The following DCDC1 variants were observed in gnomAD, a reference collection of about 807,000 sequenced individuals.
DCDC1 encodes doublecortin domain-containing protein 1.
DCDC1 carries 200 observed loss-of-function variants against 178.3 expected under a neutral mutation model. The ratio of observed to expected loss-of-function variants is 1.12; its 90% CI spans 1.00 to 1.26. DCDC1 has a LOEUF of 1.26. DCDC1 is among the 50% of genes most tolerant of loss of function. The pLI, the probability that DCDC1 is intolerant of heterozygous loss-of-function variation, is 0.00. For missense variants in DCDC1, 1,983 were observed against 1,749.2 expected (o/e 1.13, Z -2.38); for synonymous variants, 690 against 604.8 (o/e 1.14, Z -2.07).
intron 9 of DCDC1, among the ~76,000 whole-genome samples, chr11:31,232,136 A>T (rs1975847829): frequency 6.6e-6 from 1 of 152,236 alleles, no homozygotes; most frequent in Non-Finnish European, 1.5e-5. Context: ...TTACACATAC[A>T]GTGACAGGAT....
At chr11:30,920,692 G>A in intron 25 of DCDC1, 84 bp downstream of exon 25, 3 of 1,509,580 alleles carry the variant, frequency 2.0e-6, no homozygotes, top group Non-Finnish European at 2.7e-6. Flanking sequence ...TGAGCTCCCT[G>A]CATGGGCTCT....
At chr11:30,897,464 T>A (rs1217895718) in intron 34 of DCDC1, among the ~76,000 whole-genome samples, 3 of 150,566 alleles carry the variant, frequency 2.0e-5, no homozygotes, top group African/African-American at 7.3e-5. Flanking sequence ...GTGCCTGTAG[T>A]CCCAGCTACT....
At chr11:31,070,671 TCAC>T (rs1349246864) in intron 18 of DCDC1, among the ~76,000 whole-genome samples, 1 of 152,190 alleles carries the variant, frequency 6.6e-6, no homozygotes, top group Non-Finnish European at 1.5e-5. Context: ...GATCGGAATT[TCAC>T]ATTTACCAAA....
chr11:31,352,926 A>C (rs750728362), intron 1 of DCDC1, among the ~76,000 whole-genome samples: 2 of 152,236 alleles, frequency 1.3e-5, no homozygotes, highest in Non-Finnish European at 2.9e-5. Context: ...AGATGCAATT[A>C]GAATGACTAT....
Position 31,213,104 on chromosome 11 carries a change from T to TCTCTCTCTCC in DCDC1, c.1221+28345_1221+28346insGGAGAGAGAG, listed in dbSNP as rs2136558985. Among the ~76,000 whole-genome samples the TCTCTCTCTCC allele has an allele frequency of 1.2e-4, 2 of 16,238 alleles. 1 individual carries two copies. The highest frequency in any genetic ancestry group is 9.0e-3 in the East Asian group (2 of 222). 10.7% of individuals were successfully genotyped at this position (16,238 alleles called of 152,430 possible). ...CATCTTCTATATAAAGCCCAGCCTC[T>TCTCTCTCTCC]CTCTCTCTCTCTCTCTCTCTCTCTC... On this transcript the variant is annotated intron_variant, in intron 9 of 38. Transcript: ENST00000684477.
intron 21 of DCDC1, among the ~76,000 whole-genome samples, chr11:30,935,940 G>A (rs1947251787): frequency 6.6e-6 from 1 of 152,078 alleles, no homozygotes; most frequent in South Asian, 2.1e-4. Context: ...CCCTTCTGGG[G>A]TCTCTTTTAC....
At chr11:31,171,963 T>G (rs1345741307) in intron 9 of DCDC1, among the ~76,000 whole-genome samples, 1 of 152,184 alleles carries the variant, frequency 6.6e-6, no homozygotes, top group Non-Finnish European at 1.5e-5. Flanking sequence ...TCAAAGGAGT[T>G]ATTCTTCTGT....
At chr11:31,357,269 A>C (rs929708269) in intron 1 of DCDC1, among the ~76,000 whole-genome samples, 2 of 151,724 alleles carry the variant, frequency 1.3e-5, no homozygotes, top group African/African-American at 4.8e-5. Flanking sequence ...CCTGGGATGC[A>C]AGGCTGGTTC....
At chr11:30,959,355 C>T (rs1326320938) in intron 20 of DCDC1, among the ~76,000 whole-genome samples, 1 of 152,062 alleles carries the variant, frequency 6.6e-6, no homozygotes, top group African/African-American at 2.4e-5. Flanking sequence ...GGTTTACGTG[C>T]CTCTCCAAAT....
intron 20 of DCDC1, among the ~76,000 whole-genome samples, chr11:31,004,976 C>A (rs1951761818): frequency 6.6e-6 from 1 of 152,116 alleles, no homozygotes; most frequent in Non-Finnish European, 1.5e-5. Context: ...ATGTTCAGTT[C>A]TTCCTGAACC....
intron 17 of DCDC1, among the ~76,000 whole-genome samples, chr11:31,078,808 G>A (rs1957008424): frequency 6.6e-6 from 1 of 151,770 alleles, no homozygotes; most frequent in Non-Finnish European, 1.5e-5. Context: ...TTCTGAAGGT[G>A]TGGACCCACC....
At chr11:31,202,971 C>T (rs997986470) in intron 9 of DCDC1, among the ~76,000 whole-genome samples, 1 of 152,116 alleles carries the variant, frequency 6.6e-6, no homozygotes, top group Non-Finnish European at 1.5e-5. Context: ...GAAATTCCAA[C>T]GTGCATTAAA....
chr11:30,957,755 G>C (rs1948852271), intron 20 of DCDC1, among the ~76,000 whole-genome samples: 3 of 152,308 alleles, frequency 2.0e-5, no homozygotes, highest in South Asian at 4.1e-4. Context: ...CCCATCATGA[G>C]CTGGGTGTGG....
chr11:30,865,480 T>A (rs574329568), intron 38 of DCDC1, 148 bp from the exon 39 acceptor site: 1 of 153,436 alleles, frequency 6.5e-6, no homozygotes, highest in East Asian at 1.9e-4. Context: ...TGCATTAAAC[T>A]TGATAGGGTT....
chr11:31,105,979 T>C (rs1261574938), intron 13 of DCDC1, among the ~76,000 whole-genome samples: 1 of 152,152 alleles, frequency 6.6e-6, no homozygotes, highest in Non-Finnish European at 1.5e-5. Context: ...AATAGAGAAG[T>C]GTGTTTAAGT....
intron 15 of DCDC1, among the ~76,000 whole-genome samples, chr11:31,098,054 G>T (rs952544734): frequency 2.0e-5 from 3 of 152,202 alleles, no homozygotes; most frequent in African/African-American, 7.2e-5. Flanking sequence ...CTAATGTCCT[G>T]CTGATGTCTG....
intron 1 of DCDC1, among the ~76,000 whole-genome samples, chr11:31,366,903 A>G (rs1951990256): frequency 6.6e-6 from 1 of 152,228 alleles, no homozygotes; most frequent in Admixed American, 6.5e-5. Flanking sequence ...GGGGTCTGGC[A>G]TATCACTGTC....
At chr11:30,876,816 T>C (rs1298995837) in intron 38 of DCDC1, among the ~76,000 whole-genome samples, 1 of 152,080 alleles carries the variant, frequency 6.6e-6, no homozygotes, top group East Asian at 1.9e-4. Context: ...AAATTGTCTA[T>C]AGAAGGATTG....
intron 21 of DCDC1, among the ~76,000 whole-genome samples, chr11:30,937,343 T>A (rs1229633617): frequency 6.6e-6 from 1 of 152,074 alleles, no homozygotes; most frequent in Non-Finnish European, 1.5e-5. Flanking sequence ...AGGTCCCACC[T>A]TCAAATTTAT....
Sources: gnomAD v4.1 joint callset for allele counts (sites outside exome capture counted in the v4.1 genomes callset) on GRCh38, gnomAD v4.1.1 for gene constraint, MANE v1.5 for transcripts, NCBI Gene and HGNC (gene_info 2026-07-23, HGNC 2026-07-21) for gene names.